MCCC2: variants seen among roughly 807,000 people sequenced by gnomAD.
MCCC2 encodes the protein methylcrotonoyl-CoA carboxylase beta chain, mitochondrial.
A neutral mutation model predicts 77.2 loss-of-function variants in MCCC2; 52 were observed. The ratio of observed to expected loss-of-function variants is 0.67; its 90% CI spans 0.54 to 0.85. The LOEUF is 0.85. MCCC2 is among the 40% of genes least tolerant of loss of function. The pLI, the probability that MCCC2 is intolerant of heterozygous loss-of-function variation, is 0.00. For missense variants in MCCC2, 682 were observed against 703.2 expected (o/e 0.97, Z 0.34); for synonymous variants, 253 against 248.4 (o/e 1.02, Z -0.18).
At chr5:71,630,764 T>C (rs1273314132) in intron 7 of MCCC2, among the ~76,000 whole-genome samples, 1 of 152,178 alleles carries the variant, frequency 6.6e-6, no homozygotes, top group Non-Finnish European at 1.5e-5. Flanking sequence ...GTATTTTCTT[T>C]TCTTTTTTCT....
At chr5:71,590,284 G>T (rs995254683) in intron 1 of MCCC2, among the ~76,000 whole-genome samples, 17 of 152,136 alleles carry the variant, frequency 1.1e-4, no homozygotes, top group African/African-American at 4.1e-4. Context: ...GTTGATAAAG[G>T]ATTGCCTGGG....
chr5:71,651,474 T>C (rs1391179), intron 15 of MCCC2, among the ~76,000 whole-genome samples: 102,081 of 152,156 alleles, frequency 0.67, 37,014 homozygotes, highest in East Asian at 0.88. Flanking sequence ...GCACCAAGTA[T>C]GAAGATGATG....
At chr5:71,641,105 C>G (rs1275457159) in intron 11 of MCCC2, 30 bp downstream of exon 11, 2 of 1,575,096 alleles carry the variant, frequency 1.3e-6, no homozygotes, top group South Asian at 2.2e-5. Flanking sequence ...AAAATACGAA[C>G]ATTTTCTGCT....
intron 11 of MCCC2, 159 bp from the exon 12 acceptor site, chr5:71,643,660 A>G: frequency 4.2e-6 from 6 of 1,428,664 alleles, no homozygotes; most frequent in Non-Finnish European, 5.8e-6. Flanking sequence ...CTTAGGAACA[A>G]GAAGATTGTG....
Position 71,620,150 on chromosome 5 carries a change from A to G in MCCC2, c.625-6490A>G, listed in dbSNP as rs149625475. On this transcript the variant is annotated intron_variant, in intron 6 of 16. Coordinates refer to ENST00000340941, the MANE Select transcript of MCCC2 (RefSeq NM_022132.5). Reference sequence around the variant, plus strand: ...CTTTTTGGATTCTTTGTGCATTTCAATCTATCCAGTTGGCATAGGTAAGCA... The same window carrying G: ...CTTTTTGGATTCTTTGTGCATTTCAGTCTATCCAGTTGGCATAGGTAAGCA... Among the ~76,000 whole-genome samples, 851 of 152,342 alleles carry G rather than the reference A, an allele frequency of 5.6e-3. 11 individuals are homozygous for G. The highest frequency in any genetic ancestry group is 0.018 in the African/African-American group (759 of 41,574).
intron 7 of MCCC2, among the ~76,000 whole-genome samples, chr5:71,628,818 C>T (rs1382614091): frequency 6.6e-6 from 1 of 152,132 alleles, no homozygotes; most frequent in Non-Finnish European, 1.5e-5. Context: ...CATTTGTATA[C>T]TTCTATATGC....
At chr5:71,604,214 G>A (rs1001394206) in intron 5 of MCCC2, 142 bp from the exon 6 acceptor site, 24 of 711,036 alleles carry the variant, frequency 3.4e-5, no homozygotes, top group South Asian at 1.7e-4. Flanking sequence ...TTTGGAGAAC[G>A]AGGCTCTATA....
chr5:71,652,178 A>T (rs1747453829), intron 15 of MCCC2, among the ~76,000 whole-genome samples: 1 of 152,216 alleles, frequency 6.6e-6, no homozygotes, highest in African/African-American at 2.4e-5. Flanking sequence ...GAAATTCTTA[A>T]TTAGGGGAAA....
chr5:71,588,797 C>T (rs566611899), intron 1 of MCCC2, among the ~76,000 whole-genome samples: 101 of 152,138 alleles, frequency 6.6e-4, no homozygotes, highest in African/African-American at 2.4e-3. Context: ...AAGTGTATAT[C>T]TGGTGTGAGG....
intron 6 of MCCC2, among the ~76,000 whole-genome samples, chr5:71,608,739 C>T (rs1338459221): frequency 1.3e-5 from 2 of 151,862 alleles, no homozygotes; most frequent in East Asian, 1.9e-4. Flanking sequence ...CCATGTTTAG[C>T]GCTTCCTTTT....
chr5:71,633,094 TATATATATATATATA>T (rs1746779811), intron 8 of MCCC2, among the ~76,000 whole-genome samples: 1 of 6,350 alleles, frequency 1.6e-4, no homozygotes, highest in African/African-American at 3.4e-4. Context: ...TTCAGTTTTA[TATATATATATATATA>T]TATATATATA....
chr5:71,635,455 C>T (rs1746883806), intron 10 of MCCC2: 1 of 635,334 alleles, frequency 1.6e-6, no homozygotes, highest in South Asian at 1.6e-5. Context: ...GAGTGGGGGA[C>T]CTCAATGATT....
chr5:71,653,918 A>G (rs1747509697), intron 16 of MCCC2, among the ~76,000 whole-genome samples: 1 of 151,982 alleles, frequency 6.6e-6, no homozygotes, highest in African/African-American at 2.4e-5. Flanking sequence ...TGGTGGATAC[A>G]AAGACAAAAC....
intron 6 of MCCC2, among the ~76,000 whole-genome samples, chr5:71,625,644 G>C (rs1056155926): frequency 1.8e-4 from 27 of 152,190 alleles, no homozygotes; most frequent in African/African-American, 6.0e-4. Context: ...AAGCAAAACT[G>C]TAAGTGATAA....
intron 15 of MCCC2, 107 bp from the exon 16 acceptor site, chr5:71,652,562 T>C: frequency 2.3e-6 from 2 of 853,580 alleles, no homozygotes; most frequent in South Asian, 2.8e-5. Flanking sequence ...ACATGTTAGA[T>C]GTAACATTAT....
intron 6 of MCCC2, among the ~76,000 whole-genome samples, chr5:71,608,785 A>G (rs1342365154): frequency 6.6e-6 from 1 of 152,060 alleles, no homozygotes; most frequent in East Asian, 1.9e-4. Context: ...ATCTCTCAGC[A>G]TTTGCTTGTC....
chr5:71,618,499 T>TCCTTCCTTCCTG lies in MCCC2; in HGVS notation c.625-8130_625-8129insGCCTTCCTTCCT, dbSNP rs1400523101. ...TTTCCTTCTTTCCTTCTTCCTTCCT[T>TCCTTCCTTCCTG]CCTTCCTTCCTTCCTTCCTTCCTTC... On this transcript the variant is annotated intron_variant, in intron 6 of 16. Coordinates refer to ENST00000340941, the MANE Select transcript of MCCC2 (RefSeq NM_022132.5). 3.9e-3 allele frequency among the ~76,000 whole-genome samples: 137 copies of TCCTTCCTTCCTG among 35,340 alleles called. 2 individuals carry two copies. Among genetic ancestry groups the TCCTTCCTTCCTG allele is most frequent in the African/African-American group, 0.011 (117 of 10,996 alleles). 23.2% of individuals were successfully genotyped at this position (35,340 alleles called of 152,430 possible).
chr5:71,616,601 C>T (rs114387835), intron 6 of MCCC2, among the ~76,000 whole-genome samples: 4 of 152,316 alleles, frequency 2.6e-5, no homozygotes, highest in Non-Finnish European at 4.4e-5. Flanking sequence ...AGACATTGAA[C>T]ACATTAACTT....
At chr5:71,654,045 T>G (rs1249616498) in intron 16 of MCCC2, among the ~76,000 whole-genome samples, 2 of 152,310 alleles carry the variant, frequency 1.3e-5, no homozygotes, top group South Asian at 2.1e-4. Context: ...TTGCCCAGTT[T>G]GGAGTGCAGT....
Sources: gnomAD v4.1 joint callset for allele counts (sites outside exome capture counted in the v4.1 genomes callset) on GRCh38, gnomAD v4.1.1 for gene constraint, MANE v1.5 for transcripts, NCBI Gene and HGNC (gene_info 2026-07-23, HGNC 2026-07-21) for gene names.